ZNF236: variants seen among roughly 807,000 people sequenced by gnomAD.
ZNF236 encodes the protein regulated by glucose.
In ZNF236, 50 loss-of-function variants were observed where a neutral mutation model predicts 191.2. That is an observed-to-expected ratio of 0.26 (90% confidence interval 0.21 to 0.33). The LOEUF (loss-of-function observed/expected upper bound fraction) is 0.33. Ranked by LOEUF, ZNF236 falls within the 10% of genes least tolerant of loss-of-function variation. ZNF236 has a pLI of 1.00. For synonymous variants in ZNF236, 907 were observed against 928.8 expected, an observed-to-expected ratio of 0.98 and a Z score of 0.43; for missense variants, 1,754 against 2,374.5, an observed-to-expected ratio of 0.74 and a Z score of 5.43.
At chr18:76,961,025 G>C (rs1306951916) in intron 30 of ZNF236, among the ~76,000 whole-genome samples, 170 bp downstream of exon 30, 1 of 152,194 alleles carries the variant, frequency 6.6e-6, no homozygotes, top group African/African-American at 2.4e-5. Context: ...GATTTCCATA[G>C]GTTATTGGGG....
chr18:76,867,195 C>T (rs1044490300), intron 3 of ZNF236, among the ~76,000 whole-genome samples: 12 of 147,610 alleles, frequency 8.1e-5, no homozygotes, highest in African/African-American at 2.7e-4. Context: ...GAAAGCAGTG[C>T]ATTTTGTTCA....
In ZNF236 at chr18:76,937,152, G is replaced by T. The variant is rs1252459773; in HGVS notation, c.4595-4G>T. On this transcript the variant is annotated splice_polypyrimidine_tract_variant and splice_region_variant and intron_variant, in intron 25 of 30. Coordinates refer to ENST00000320610, the MANE Select transcript of ZNF236 (RefSeq NM_001306089.2). ...TTGATCTACTTACTTTGCCTCTTTT[G>T]TAGAACTTAACACTACAAGCGGAAG... 3 of 1,611,964 alleles carry T rather than the reference G, an allele frequency of 1.9e-6. No homozygotes were observed. Among genetic ancestry groups the T allele is most frequent in the Non-Finnish European group, 2.5e-6 (3 of 1,178,310 alleles).
At chr18:76,916,677 A>G (rs13339733) in intron 19 of ZNF236, among the ~76,000 whole-genome samples, 4,769 of 152,286 alleles carry the variant, frequency 0.031, 244 homozygotes, top group African/African-American at 0.11. Context: ...CAGCACACAG[A>G]TTGCAGTTTT....
chr18:76,963,773 G>A (rs1001880239), intron 30 of ZNF236, among the ~76,000 whole-genome samples: 1 of 152,124 alleles, frequency 6.6e-6, no homozygotes, highest in Non-Finnish European at 1.5e-5. Flanking sequence ...TCTGATCAGG[G>A]TATCTAATTC....
At chr18:76,883,117 G>T (rs1295307535) in intron 9 of ZNF236, among the ~76,000 whole-genome samples, 1 of 152,050 alleles carries the variant, frequency 6.6e-6, no homozygotes, top group Non-Finnish European at 1.5e-5. Context: ...TCACCCGCAT[G>T]TGCTGGTGAA....
At chr18:76,966,658 T>C (rs1357311360) in intron 30 of ZNF236, among the ~76,000 whole-genome samples, 1 of 152,206 alleles carries the variant, frequency 6.6e-6, no homozygotes, top group Non-Finnish European at 1.5e-5. Flanking sequence ...ACTGCTCCTG[T>C]CTGCATCCTG....
intron 1 of ZNF236, among the ~76,000 whole-genome samples, chr18:76,837,707 C>T (rs1176046811): frequency 2.6e-5 from 4 of 152,164 alleles, no homozygotes; most frequent in Non-Finnish European, 5.9e-5. Flanking sequence ...TCCCAAAGTG[C>T]TGGGATTACA....
intron 11 of ZNF236, among the ~76,000 whole-genome samples, chr18:76,901,306 G>T (rs114204031): frequency 0.012 from 1,829 of 152,258 alleles, 28 homozygotes; most frequent in African/African-American, 0.041. Flanking sequence ...GGTAACAATT[G>T]TTTGCAAATA....
chr18:76,892,847 G>T (rs1452495829), intron 9 of ZNF236, among the ~76,000 whole-genome samples: 1 of 152,324 alleles, frequency 6.6e-6, no homozygotes, highest in East Asian at 1.9e-4. Flanking sequence ...GATTACAGGC[G>T]TGAGCCACCG....
At chr18:76,923,338 A>T (rs1967590751) in intron 21 of ZNF236, among the ~76,000 whole-genome samples, 164 bp downstream of exon 21, 1 of 152,226 alleles carries the variant, frequency 6.6e-6, no homozygotes. Context: ...TTCCTGACAC[A>T]GGGAAAACTG....
At chr18:76,827,601 AT>A (rs1262477672) in intron 1 of ZNF236, among the ~76,000 whole-genome samples, 1 of 152,244 alleles carries the variant, frequency 6.6e-6, no homozygotes, top group Non-Finnish European at 1.5e-5. Flanking sequence ...GAAAGTGTTC[AT>A]GGTGACAGAT....
At chr18:76,942,950 C>T (rs1177089714) in intron 26 of ZNF236, among the ~76,000 whole-genome samples, 4 of 149,630 alleles carry the variant, frequency 2.7e-5, no homozygotes, top group Admixed American at 6.6e-5. Context: ...GGTGAAACCC[C>T]GTCTCTACTA....
At chr18:76,843,315 G>A (rs541707415) in intron 1 of ZNF236, among the ~76,000 whole-genome samples, 1 of 152,082 alleles carries the variant, frequency 6.6e-6, no homozygotes, top group East Asian at 1.9e-4. Flanking sequence ...AATATTTAAT[G>A]TGTATTTGTT....
At chr18:76,909,982 T>A (rs999273078) in intron 14 of ZNF236, 86 bp from the exon 15 acceptor site, 2 of 969,960 alleles carry the variant, frequency 2.1e-6, no homozygotes, top group African/African-American at 3.2e-5. Flanking sequence ...ATTTGAAAAC[T>A]CGCCGAAGTG....
rs770823948 is a variant in ZNF236 at position 76,968,242 on chromosome 18, C to T, written c.5447C>T (p.Pro1816Leu). Residue 1816 changes from proline to leucine, a missense_variant, in exon 31 of 31, where the codon CCG (proline) becomes CTG (leucine). Physicochemically the swap from Pro to Leu is moderately conservative, Grantham distance 98 (BLOSUM62 -3). Around this residue, in one of 5 missense-constraint regions of ZNF236, gnomAD observed 606 missense variants for 761.5 expected, o/e 0.80. Transcript: ENST00000320610. ...AGALQESAGH[P>L]EQDGEELSRT... is the part of the protein sequence containing the mutation. Reference sequence around the variant, plus strand: ...GCTCTGCAGGAGTCTGCAGGTCACCCGGAGCAGGACGGGGAGGAGCTGAGC... The same window carrying T: ...GCTCTGCAGGAGTCTGCAGGTCACCTGGAGCAGGACGGGGAGGAGCTGAGC... 5.1e-5 allele frequency: 82 copies of T among 1,613,152 alleles called. No individual in the cohort carries two copies. In the East Asian group the frequency reaches 8.9e-4, roughly 18 times the overall value.
chr18:76,883,473 G>C (rs1473665715), intron 9 of ZNF236, among the ~76,000 whole-genome samples: 1 of 150,600 alleles, frequency 6.6e-6, no homozygotes, highest in Non-Finnish European at 1.5e-5. Context: ...GTCCAGGCTA[G>C]AGTACAGTGG....
In ZNF236 at chr18:76,910,660, G is replaced by A; in HGVS notation, c.2654G>A (p.Gly885Asp). ...ACTCCTCTTTTCTAATTTATTTTAG[G>A]TTTTACAGTGACTGATACGTACCAT... ...QSFEPAGLPQ[G>D]FTVTDTYHQQ... is the part of the protein sequence containing the mutation. The change falls in exon 16 of 31, where the codon GGT becomes GAT. Residue 885 changes from glycine (G) to aspartate (D), a missense_variant and splice_region_variant. Gly to Asp is a moderately conservative substitution (Grantham distance 94). Coordinates refer to ENST00000320610, the MANE Select transcript of ZNF236 (RefSeq NM_001306089.2). 1 of 1,612,588 alleles carries A rather than the reference G, an allele frequency of 6.2e-7. No homozygotes were observed. The highest frequency in any genetic ancestry group is 1.7e-5 in the Admixed American group (1 of 59,898).
intron 18 of ZNF236, among the ~76,000 whole-genome samples, chr18:76,915,063 C>T (rs1967320076): frequency 6.6e-6 from 1 of 152,016 alleles, no homozygotes; most frequent in African/African-American, 2.4e-5. Context: ...CAGAGAGCAG[C>T]AATATATGAC....
intron 12 of ZNF236, among the ~76,000 whole-genome samples, 198 bp downstream of exon 12, chr18:76,904,719 C>G (rs1977692355): frequency 6.6e-6 from 1 of 152,152 alleles, no homozygotes; most frequent in Non-Finnish European, 1.5e-5. Flanking sequence ...GAAATTGCTA[C>G]TGGAGTTTAT....
Sources: allele counts gnomAD v4.1 joint callset (sites outside exome capture counted in the v4.1 genomes callset), GRCh38; gene constraint gnomAD v4.1.1; regional missense constraint gnomAD v4.1.1; transcripts MANE v1.5; gene names NCBI Gene and HGNC (gene_info 2026-07-23, HGNC 2026-07-21).